The following RAPGEF1 variants were observed in gnomAD, a reference collection of about 807,000 sequenced individuals.
The protein encoded by RAPGEF1 is Rap guanine nucleotide exchange factor 1, also known as CRK SH3-binding GNRP.
Under a neutral mutation model 143.3 loss-of-function variants are expected in RAPGEF1, and 33 were observed. The observed-to-expected ratio is 0.23, with a 90% CI of 0.17 to 0.31. The LOEUF (loss-of-function observed/expected upper bound fraction) is 0.31. RAPGEF1 is among the 10% of genes least tolerant of loss of function. The probability of loss-of-function intolerance (pLI) is 1.00; values close to 1 mark genes in which losing one functional copy is unlikely to be tolerated. For missense variants in RAPGEF1, 1,199 were observed against 1,645.4 expected (o/e 0.73, Z 4.69); for synonymous variants, 629 against 676.5 (o/e 0.93, Z 1.09).
chr9:131,677,251 T>G (rs1345406172), intron 1 of RAPGEF1, among the ~76,000 whole-genome samples: 1 of 152,236 alleles, frequency 6.6e-6, no homozygotes, highest in African/African-American at 2.4e-5. Context: ...TTCCAGCAAC[T>G]TGCCTCTTTA....
chr9:131,635,658 C>G (rs924981583), intron 5 of RAPGEF1, among the ~76,000 whole-genome samples: 3 of 152,012 alleles, frequency 2.0e-5, no homozygotes, highest in South Asian at 2.1e-4. Flanking sequence ...TGGAAGCCAG[C>G]TAGCTTGGAG....
rs765809011 is a variant in RAPGEF1, at chr9:131,709,606, C to G, written c.61+30164G>C. 42 of 1,612,776 alleles carry G rather than the reference C, an allele frequency of 2.6e-5. No individual in the cohort carries two copies. The Admixed American group carries it at 6.8e-4, about 26-fold the overall frequency. On this transcript the variant is annotated intron_variant, in intron 1 of 26. Transcript: ENST00000683357. ...CTTGCTTCTTCCTGGAAAGGAAGCC[C>G]AGGGCTTTCTTACCTTGTTTCCAGG...
At chr9:131,666,293 C>T (rs1196989305) in intron 1 of RAPGEF1, among the ~76,000 whole-genome samples, 1 of 152,236 alleles carries the variant, frequency 6.6e-6, no homozygotes, top group African/African-American at 2.4e-5. Context: ...AAAGATTATA[C>T]TGTTCACCCT....
chr9:131,602,181 C>G, intron 14 of RAPGEF1, 32 bp from the exon 15 acceptor site: 2 of 1,521,060 alleles, frequency 1.3e-6, no homozygotes, highest in South Asian at 2.4e-5. Context: ...GAGTTCTGGA[C>G]AGGGGCCCTC....
intron 1 of RAPGEF1, among the ~76,000 whole-genome samples, chr9:131,669,044 G>A (rs1309270280): frequency 6.6e-6 from 1 of 152,208 alleles, no homozygotes; most frequent in African/African-American, 2.4e-5. Flanking sequence ...AGTGCCACCA[G>A]CAAAGCAGCC....
intron 1 of RAPGEF1, among the ~76,000 whole-genome samples, chr9:131,680,869 C>G (rs1316291596): frequency 6.6e-6 from 1 of 152,106 alleles, no homozygotes; most frequent in Non-Finnish European, 1.5e-5. Context: ...TCTCGCGGAC[C>G]GAGCTGGTCT....
At chr9:131,631,749 A>C (rs1269776413) in intron 5 of RAPGEF1, among the ~76,000 whole-genome samples, 3 of 152,258 alleles carry the variant, frequency 2.0e-5, no homozygotes, top group African/African-American at 7.2e-5. Context: ...CATCCTTTCC[A>C]GCGCAAGGGT....
chr9:131,597,482 C>A (rs1955502419), intron 16 of RAPGEF1, among the ~76,000 whole-genome samples: 1 of 152,214 alleles, frequency 6.6e-6, no homozygotes, highest in South Asian at 2.1e-4. Context: ...GCAGTATCTG[C>A]CCTTTTGTCC....
chr9:131,596,270 C>T, intron 17 of RAPGEF1, 28 bp downstream of exon 17: 10 of 1,611,352 alleles, frequency 6.2e-6, no homozygotes, highest in Non-Finnish European at 8.5e-6. Context: ...GGACCAGCCC[C>T]AATCTAGTGA....
chr9:131,688,493 A>G (rs1299244006), intron 1 of RAPGEF1, among the ~76,000 whole-genome samples: 1 of 152,222 alleles, frequency 6.6e-6, no homozygotes, highest in Admixed American at 6.5e-5. Context: ...AAGGGCCTAC[A>G]TTTCTGGCAC....
intron 1 of RAPGEF1, among the ~76,000 whole-genome samples, chr9:131,674,267 A>C (rs1053964897): frequency 6.6e-6 from 1 of 151,806 alleles, no homozygotes; most frequent in African/African-American, 2.4e-5. Flanking sequence ...AAGCTTGTTA[A>C]AATCGGGGGT....
In RAPGEF1 at chr9:131,630,242, G is replaced by C. The variant is rs764481637; in HGVS notation, c.734C>G (p.Pro245Arg). Reference sequence around the variant, plus strand: ...AGGGTTAGTCAGCACCTACCCATCAGGCTTGCTGGCAGGGGAACTGGGCTT... The same window carrying C: ...AGGGTTAGTCAGCACCTACCCATCACGCTTGCTGGCAGGGGAACTGGGCTT... Reference protein sequence around the residue: ...PVKPSSPASKPDGPAELPLTD... With the variant: ...PVKPSSPASKRDGPAELPLTD... Residue 245 changes from proline (P) to arginine (R), a missense_variant, in exon 6 of 27, where the codon CCT becomes CGT. Pro to Arg is a moderately radical substitution (Grantham distance 103, BLOSUM62 -2). This residue lies in a region of RAPGEF1 where 613 missense variants were observed against 710.9 expected (regional missense o/e 0.86). Coordinates refer to ENST00000683357, the MANE Select transcript of RAPGEF1 (RefSeq NM_001377935.1). The C allele has an allele frequency of 1.9e-6, 3 of 1,613,760 alleles. No homozygotes were observed. Among genetic ancestry groups the C allele is most frequent in the Non-Finnish European group, 2.5e-6 (3 of 1,179,790 alleles).
chr9:131,606,488 G>A (rs1362947393), intron 12 of RAPGEF1, among the ~76,000 whole-genome samples: 1 of 152,224 alleles, frequency 6.6e-6, no homozygotes, highest in African/African-American at 2.4e-5. Flanking sequence ...GCAGGGACGT[G>A]AGGAAAGTCA....
intron 1 of RAPGEF1, among the ~76,000 whole-genome samples, chr9:131,671,275 C>A (rs796747058): frequency 6.6e-6 from 1 of 152,368 alleles, no homozygotes; most frequent in South Asian, 2.1e-4. Flanking sequence ...CCACAGGAGG[C>A]AGCCTCCTGC....
At chr9:131,592,768 C>T (rs1309617985) in intron 17 of RAPGEF1, among the ~76,000 whole-genome samples, 2 of 152,136 alleles carry the variant, frequency 1.3e-5, no homozygotes, top group African/African-American at 2.4e-5. Flanking sequence ...TTATTATTTT[C>T]GAGACAGGGT....
intron 1 of RAPGEF1, among the ~76,000 whole-genome samples, chr9:131,712,456 T>C (rs1341082156): frequency 6.7e-6 from 1 of 149,088 alleles, no homozygotes; most frequent in African/African-American, 2.5e-5. Context: ...AGTCAGAGGG[T>C]ATGGGCGGCT....
At position 131,584,461 on chromosome 9, in the gene RAPGEF1, G is replaced by C. The variant is rs780591697; in HGVS notation, c.3313-49C>G. 3.1e-6 allele frequency: 5 copies of C among 1,612,118 alleles called. No homozygotes were observed. The East Asian group carries it at 8.9e-5, about 29-fold the overall frequency. On this transcript the variant is annotated intron_variant, in intron 23 of 26. Coordinates refer to ENST00000683357, the MANE Select transcript of RAPGEF1 (RefSeq NM_001377935.1). The surrounding 1 kb of genome is among the most constrained non-coding windows in gnomAD (Gnocchi z 6.8). ...TGAGGCAGGAGGGCAGGCGGGTCCCGGGCTCCCAGAGCAGGGACTGATGAT... is the reference window on the plus strand; with the variant it reads ...TGAGGCAGGAGGGCAGGCGGGTCCCCGGCTCCCAGAGCAGGGACTGATGAT...
At chr9:131,596,926 A>T (rs939952895) in intron 16 of RAPGEF1, among the ~76,000 whole-genome samples, 1 of 152,218 alleles carries the variant, frequency 6.6e-6, no homozygotes. Flanking sequence ...TCCTTAAAGG[A>T]GAGCAAAGCA....
chr9:131,643,789 C>A (rs994375461), intron 3 of RAPGEF1, among the ~76,000 whole-genome samples: 1 of 152,096 alleles, frequency 6.6e-6, no homozygotes, highest in African/African-American at 2.4e-5. Flanking sequence ...CAGTCAAGGC[C>A]CATGGTACAT....
Sources: allele counts gnomAD v4.1 joint callset (sites outside exome capture counted in the v4.1 genomes callset), GRCh38; gene constraint gnomAD v4.1.1; regional missense constraint gnomAD v4.1.1; non-coding constraint Gnocchi (gnomAD v3.1); transcripts MANE v1.5; gene names NCBI Gene and HGNC (gene_info 2026-07-23, HGNC 2026-07-21).